Variants in UST observed in about 807,000 individuals in gnomAD.
The protein encoded by UST is uronyl 2-sulfotransferase, also known as chondroitin sulfate 2-O-sulfotransferase.
In UST, 21 loss-of-function variants were observed where a neutral mutation model predicts 45.6. The observed-to-expected ratio is 0.46, with a 90% CI of 0.33 to 0.66. The LOEUF is 0.66. UST is among the 30% of genes least tolerant of loss of function. UST has a pLI of 0.02. For synonymous variants in UST, 215 were observed against 200.6 expected (o/e 1.07, Z -0.61); for missense variants, 463 against 512.4 (o/e 0.90, Z 0.93).
intron 1 of UST, among the ~76,000 whole-genome samples, chr6:148,849,940 A>G (rs1002557162): frequency 1.3e-5 from 2 of 152,210 alleles, no homozygotes; most frequent in African/African-American, 2.4e-5. Flanking sequence ...AGTTACATAT[A>G]TATAGTTACA....
intron 1 of UST, among the ~76,000 whole-genome samples, chr6:148,815,782 G>A (rs2128331): frequency 0.76 from 115,017 of 152,140 alleles, 44,135 homozygotes; most frequent in East Asian, 0.98. Context: ...TTCCTATTCT[G>A]TGTGAACTCC....
Position 148,909,009 on chromosome 6 carries a change from T to C in UST, c.291+21980T>C, listed in dbSNP as rs147997192. Among the ~76,000 whole-genome samples, 903 of 152,330 alleles carry C rather than the reference T, an allele frequency of 5.9e-3. 9 individuals carry two copies. The highest frequency in any genetic ancestry group is 0.02 in the African/African-American group (846 of 41,584). ...TGTTGATTTTGTGGTTGTATGACCA[T>C]TGAATGCTTGAATTATAGCTCAAAG... is the stretch of plus-strand genomic sequence containing the variant. On this transcript the variant is annotated intron_variant, in intron 2 of 7. Coordinates refer to ENST00000367463, the MANE Select transcript of UST (RefSeq NM_005715.3).
intron 1 of UST, among the ~76,000 whole-genome samples, chr6:148,828,847 A>G (rs1777625533): frequency 6.6e-6 from 1 of 152,246 alleles, no homozygotes; most frequent in Non-Finnish European, 1.5e-5. Flanking sequence ...GAAACAATTT[A>G]ATGTTACAGT....
chr6:148,849,862 C>T (rs892834584), intron 1 of UST, among the ~76,000 whole-genome samples: 1 of 151,894 alleles, frequency 6.6e-6, no homozygotes, highest in African/African-American at 2.4e-5. Context: ...AGATGCAGAC[C>T]GAAAGAGCAA....
At chr6:148,780,144 C>G (rs1582807044) in intron 1 of UST, among the ~76,000 whole-genome samples, 1 of 151,338 alleles carries the variant, frequency 6.6e-6, no homozygotes, top group African/African-American at 2.4e-5. Flanking sequence ...CACACACACA[C>G]ACTTATGCAG....
chr6:148,777,006 G>C (rs1442083313), intron 1 of UST, among the ~76,000 whole-genome samples: 1 of 152,164 alleles, frequency 6.6e-6, no homozygotes, highest in Non-Finnish European at 1.5e-5. Context: ...CTAACCTGCT[G>C]ATTCTAACAG....
intron 2 of UST, among the ~76,000 whole-genome samples, chr6:148,895,493 C>G (rs1262699303): frequency 6.6e-6 from 1 of 152,136 alleles, no homozygotes; most frequent in Non-Finnish European, 1.5e-5. Context: ...ACTTCTCAGC[C>G]TAACTAACCG....
intron 1 of UST, among the ~76,000 whole-genome samples, chr6:148,778,189 A>G (rs997471528): frequency 2.6e-5 from 4 of 152,254 alleles, no homozygotes; most frequent in Admixed American, 2.0e-4. Flanking sequence ...CACCTTAGCT[A>G]TAAGAATAGA....
chr6:148,804,765 G>A (rs1218288521), intron 1 of UST, among the ~76,000 whole-genome samples: 1 of 151,262 alleles, frequency 6.6e-6, no homozygotes, highest in Non-Finnish European at 1.5e-5. Flanking sequence ...TGGGAAACAT[G>A]AAATTGTAAT....
At chr6:148,964,913 G>A (rs547490015) in intron 5 of UST, among the ~76,000 whole-genome samples, 6 of 152,090 alleles carry the variant, frequency 3.9e-5, no homozygotes, top group South Asian at 2.1e-4. Context: ...GTTAGAGGGC[G>A]GCAGAGCCCC....
intron 2 of UST, among the ~76,000 whole-genome samples, chr6:148,896,634 TA>T (rs1384919107): frequency 6.6e-6 from 1 of 152,244 alleles, no homozygotes; most frequent in Admixed American, 6.5e-5. Context: ...ACTTTTCAAT[TA>T]TTTTTAATTA....
At chr6:148,839,536 T>C (rs1777852192) in intron 1 of UST, among the ~76,000 whole-genome samples, 1 of 152,200 alleles carries the variant, frequency 6.6e-6, no homozygotes, top group African/African-American at 2.4e-5. Flanking sequence ...CATGATTTCA[T>C]AGGGCTGAGG....
At chr6:149,043,934 C>T (rs993750262) in intron 7 of UST, among the ~76,000 whole-genome samples, 1 of 152,236 alleles carries the variant, frequency 6.6e-6, no homozygotes, top group African/African-American at 2.4e-5. Flanking sequence ...GACCACACAA[C>T]TCCCAGAGTG....
chr6:148,774,002 G>T (rs1020429482), intron 1 of UST, among the ~76,000 whole-genome samples: 2 of 152,086 alleles, frequency 1.3e-5, no homozygotes, highest in Non-Finnish European at 2.9e-5. Flanking sequence ...CTCTATGCTG[G>T]TGTCAAACAC....
intron 1 of UST, among the ~76,000 whole-genome samples, chr6:148,812,460 C>G (rs543721630): frequency 6.6e-6 from 1 of 152,170 alleles, no homozygotes; most frequent in South Asian, 2.1e-4. Context: ...CTATCTCATG[C>G]AGTTTCTGGG....
At chr6:148,784,443 A>C (rs1223515917) in intron 1 of UST, among the ~76,000 whole-genome samples, 1 of 152,132 alleles carries the variant, frequency 6.6e-6, no homozygotes, top group Admixed American at 6.5e-5. Flanking sequence ...CACCATCTCA[A>C]ATCCTCTCAA....
Position 148,993,956 on chromosome 6 carries a change from C to CTTTTTTTTTT in UST, c.682-25164_682-25155dup, listed in dbSNP as rs57552256. On this transcript the variant is annotated intron_variant, in intron 5 of 7. Coordinates refer to ENST00000367463, the MANE Select transcript of UST (RefSeq NM_005715.3). ...TTACCCAGTCTTGAATATTTCTTTC[C>CTTTTTTTTTT]TTTTTTTTTTTTTTTTTTTTTTTTT... 3.6e-4 allele frequency among the ~76,000 whole-genome samples: 34 copies of CTTTTTTTTTT among 95,360 alleles called. 3 individuals are homozygous for CTTTTTTTTTT. The highest frequency in any genetic ancestry group is 1.3e-3 in the African/African-American group (29 of 21,860). The allele number at this position is 95,360 out of a possible 152,430, so 62.6% of individuals were successfully genotyped here.
chr6:148,878,492 C>T, intron 1 of UST, among the ~76,000 whole-genome samples: 1 of 83,886 alleles, frequency 1.2e-5, no homozygotes, highest in Non-Finnish European at 2.2e-5. Context: ...TGTATGAGTA[C>T]AGGGATTGTG....
intron 5 of UST, among the ~76,000 whole-genome samples, chr6:148,969,658 G>C (rs1280581178): frequency 6.6e-6 from 1 of 152,120 alleles, no homozygotes; most frequent in Non-Finnish European, 1.5e-5. Context: ...ATGACCTAAA[G>C]GGGCCATTTT....
Sources: allele counts gnomAD v4.1 joint callset (sites outside exome capture counted in the v4.1 genomes callset), GRCh38; gene constraint gnomAD v4.1.1; transcripts MANE v1.5; gene names NCBI Gene and HGNC (gene_info 2026-07-23, HGNC 2026-07-21).